Variants in FER1L6 observed in about 807,000 individuals in gnomAD.
FER1L6 encodes fer-1-like protein 6.
FER1L6 carries 177 observed loss-of-function variants against 219.2 expected under a neutral mutation model. The ratio of observed to expected loss-of-function variants is 0.81; its 90% CI spans 0.71 to 0.91. The LOEUF is 0.91. Among genes scored for constraint, FER1L6 ranks in the 40% least tolerant of loss-of-function variants. The pLI is 0.00. For synonymous variants in FER1L6, 768 were observed against 824.3 expected (o/e 0.93, Z 1.17); for missense variants, 2,153 against 2,259.9 (o/e 0.95, Z 0.96).
chr8:123,869,292 T>C (rs929900467), intron 1 of FER1L6, among the ~76,000 whole-genome samples: 2 of 152,194 alleles, frequency 1.3e-5, no homozygotes, highest in African/African-American at 4.8e-5. Flanking sequence ...GCTTCAACCA[T>C]TGCCTCGTAT....
chr8:124,061,220 A>T (rs1348060785), intron 24 of FER1L6, among the ~76,000 whole-genome samples: 1 of 152,210 alleles, frequency 6.6e-6, no homozygotes, highest in Admixed American at 6.5e-5. Flanking sequence ...ATGCTTCTGA[A>T]GTGATTTTTT....
intron 33 of FER1L6, among the ~76,000 whole-genome samples, chr8:124,091,217 A>G (rs577971007): frequency 5.4e-4 from 82 of 152,384 alleles, no homozygotes; most frequent in African/African-American, 1.9e-3. Flanking sequence ...AAACAAAAAC[A>G]AAACTACCTT....
chr8:124,087,404 C>A (rs546554080), intron 33 of FER1L6, among the ~76,000 whole-genome samples: 50 of 152,196 alleles, frequency 3.3e-4, no homozygotes, highest in Non-Finnish European at 6.3e-4. Flanking sequence ...TTTTTCAGTT[C>A]TAGAATTTGA....
intron 39 of FER1L6, among the ~76,000 whole-genome samples, chr8:124,110,193 C>G (rs1822961137): frequency 6.6e-6 from 1 of 152,162 alleles, no homozygotes; most frequent in Admixed American, 6.5e-5. Flanking sequence ...TTGTTCTTAT[C>G]TTGGTGATCT....
Position 123,985,927 on chromosome 8 carries a change from G to A in FER1L6, c.1411-141G>A, listed in dbSNP as rs553077339. ...CCTGATTCATACATGTCTTATTTGG[G>A]GGGAAACGCTGTGCCATTTCAGGCT... On this transcript the variant is annotated intron_variant, in intron 11 of 40. Transcript: ENST00000522917. 8 of 603,790 alleles carry A rather than the reference G, an allele frequency of 1.3e-5. No individual in the cohort carries two copies. In the South Asian group the frequency reaches 1.7e-4, roughly 13 times the overall value. The allele number at this position is 603,790 out of a possible 1,614,324, so 37.4% of individuals were successfully genotyped here. A position where few individuals can be genotyped will look rare whatever the true frequency, so the allele number is the denominator to read the frequency against.
chr8:124,055,171 G>A (rs1820227934), intron 22 of FER1L6, among the ~76,000 whole-genome samples: 1 of 152,128 alleles, frequency 6.6e-6, no homozygotes, highest in African/African-American at 2.4e-5. Context: ...GAGCCTGGTG[G>A]TTCACGCCTG....
chr8:124,073,192 T>C (rs1287711541), intron 31 of FER1L6, among the ~76,000 whole-genome samples: 1 of 152,218 alleles, frequency 6.6e-6, no homozygotes, highest in Admixed American at 6.5e-5. Flanking sequence ...AAGATCTGTC[T>C]CCTTATTCAT....
intron 1 of FER1L6, among the ~76,000 whole-genome samples, chr8:123,936,218 C>T (rs1016970508): frequency 6.6e-6 from 1 of 152,072 alleles, no homozygotes; most frequent in African/African-American, 2.4e-5. Flanking sequence ...CTCTGAACCC[C>T]CCAACCCATT....
In FER1L6 at chr8:124,064,727, C is replaced by T. The variant is rs1283727173; in HGVS notation, c.3555+154C>T. On this transcript the variant is annotated intron_variant, in intron 26 of 40. Coordinates refer to ENST00000522917, the MANE Select transcript of FER1L6 (RefSeq NM_001039112.2). ...CCTTTGTAAAATGAGGATACTGTTACCCACTTCACAGCTTTGTTATAGGAT... is the reference window on the plus strand; with the variant it reads ...CCTTTGTAAAATGAGGATACTGTTATCCACTTCACAGCTTTGTTATAGGAT... Among the ~76,000 whole-genome samples the T allele has an allele frequency of 2.0e-5, 3 of 152,170 alleles. No individual in the cohort carries two copies. The East Asian group carries it at 5.8e-4, about 29-fold the overall frequency.
At chr8:124,080,478 G>A (rs904647212) in intron 32 of FER1L6, among the ~76,000 whole-genome samples, 6 of 151,828 alleles carry the variant, frequency 4.0e-5, no homozygotes, top group Admixed American at 1.3e-4. Flanking sequence ...CCACCACGCC[G>A]GGCTAATTTT....
chr8:123,906,963 G>A (rs929503715), intron 1 of FER1L6, among the ~76,000 whole-genome samples: 2 of 152,130 alleles, frequency 1.3e-5, no homozygotes, highest in African/African-American at 4.8e-5. Flanking sequence ...GTCAGGGCCT[G>A]GCAAACTTTT....
intron 19 of FER1L6, among the ~76,000 whole-genome samples, chr8:124,035,727 G>A (rs1316075642): frequency 6.6e-6 from 1 of 152,252 alleles, no homozygotes; most frequent in Non-Finnish European, 1.5e-5. Context: ...GGCAGATTAT[G>A]TAGGTTGAGT....
intron 2 of FER1L6, among the ~76,000 whole-genome samples, chr8:123,962,138 C>T (rs1174494830): frequency 2.0e-5 from 3 of 152,122 alleles, no homozygotes; most frequent in Non-Finnish European, 4.4e-5. Context: ...ATCTGCCTGC[C>T]TCAGCCTTCC....
At chr8:124,099,041 T>A (rs1350819303) in intron 37 of FER1L6, among the ~76,000 whole-genome samples, 1 of 152,220 alleles carries the variant, frequency 6.6e-6, no homozygotes, top group Non-Finnish European at 1.5e-5. Context: ...TAGCAACACA[T>A]GTATCTGTTT....
At chr8:123,992,023 C>T (rs143003672) in intron 12 of FER1L6, among the ~76,000 whole-genome samples, 239 of 152,144 alleles carry the variant, frequency 1.6e-3, no homozygotes, top group African/African-American at 5.5e-3. Context: ...ATACATTAAA[C>T]CATTCCCGCA....
intron 12 of FER1L6, among the ~76,000 whole-genome samples, chr8:124,001,551 TCAAA>T (rs1179221351): frequency 6.6e-6 from 1 of 152,218 alleles, no homozygotes; most frequent in East Asian, 1.9e-4. Context: ...AAAAGAGGAC[TCAAA>T]CAAAACCTGC....
intron 32 of FER1L6, among the ~76,000 whole-genome samples, chr8:124,080,228 G>T (rs1163373377): frequency 2.0e-5 from 3 of 152,048 alleles, no homozygotes; most frequent in Admixed American, 1.3e-4. Context: ...AACCACCCTT[G>T]CATCTAGGGA....
chr8:123,869,378 G>A (rs1816888677), intron 1 of FER1L6, among the ~76,000 whole-genome samples: 1 of 152,020 alleles, frequency 6.6e-6, no homozygotes, highest in South Asian at 2.1e-4. Flanking sequence ...ATGCTGGCTG[G>A]GCTTCTTCAT....
chr8:123,981,190 G>T (rs1305266856), intron 11 of FER1L6, among the ~76,000 whole-genome samples: 1 of 152,146 alleles, frequency 6.6e-6, no homozygotes, highest in Non-Finnish European at 1.5e-5. Context: ...GATAATTTTG[G>T]ATGAGGAATG....
Sources: gnomAD v4.1 joint callset for allele counts (sites outside exome capture counted in the v4.1 genomes callset) on GRCh38, gnomAD v4.1.1 for gene constraint, MANE v1.5 for transcripts, NCBI Gene and HGNC (gene_info 2026-07-23, HGNC 2026-07-21) for gene names.